The following MCHR2 variants were observed in gnomAD, a reference collection of about 807,000 sequenced individuals.
MCHR2 encodes melanin-concentrating hormone receptor 2.
In MCHR2, 15 loss-of-function variants were observed where a neutral mutation model predicts 24.8. That is an observed-to-expected ratio of 0.60 (90% CI 0.40 to 0.93). The LOEUF (loss-of-function observed/expected upper bound fraction) is 0.93. Ranked by LOEUF, MCHR2 falls within the 40% of genes least tolerant of loss-of-function variation. MCHR2 has a pLI of 0.00. For missense variants in MCHR2, 386 were observed against 408.7 expected, an observed-to-expected ratio of 0.94 and a Z score of 0.48; for synonymous variants, 151 against 147.6, an observed-to-expected ratio of 1.02 and a Z score of -0.17.
At chr6:99,930,621 C>T (rs899225906) in intron 5 of MCHR2, among the ~76,000 whole-genome samples, 2 of 152,224 alleles carry the variant, frequency 1.3e-5, no homozygotes, top group Admixed American at 6.5e-5. Context: ...TTCTTCCAAT[C>T]GATCGCCATC....
At chr6:99,982,343 T>C (rs1424635957) in intron 1 of MCHR2, among the ~76,000 whole-genome samples, 5 of 151,584 alleles carry the variant, frequency 3.3e-5, no homozygotes, top group Admixed American at 6.6e-5. Context: ...ACAATCTTAA[T>C]TGGGGCCAGG....
At chr6:99,989,259 A>C (rs780163712) in intron 1 of MCHR2, among the ~76,000 whole-genome samples, 1 of 152,130 alleles carries the variant, frequency 6.6e-6, no homozygotes, top group East Asian at 1.9e-4. Flanking sequence ...ATCAAATTCA[A>C]AAAAAATTAT....
chr6:99,919,150 A>G lies in MCHR2; in HGVS notation c.*1790T>C, dbSNP rs558213654. Among the ~76,000 whole-genome samples the G allele has an allele frequency of 1.3e-5, 2 of 152,326 alleles. No homozygotes were observed. Among genetic ancestry groups the G allele is most frequent in the Non-Finnish European group, 2.9e-5 (2 of 68,024 alleles). ...ACACAGCTTCTTATTGACGTTTTAT[A>G]GGAGCATCCAGCTGCATATGTAGGT... On this transcript the variant is annotated 3_prime_UTR_variant, in exon 6 of 6. Coordinates refer to ENST00000281806, the MANE Select transcript of MCHR2 (RefSeq NM_001040179.2).
intron 4 of MCHR2, among the ~76,000 whole-genome samples, chr6:99,939,901 A>C (rs1774740099): frequency 7.1e-6 from 1 of 141,738 alleles, no homozygotes; most frequent in Non-Finnish European, 1.5e-5. Context: ...TCAGTTTGAG[A>C]ATGCCATTTC....
At chr6:99,936,371 T>C (rs1226113822) in intron 4 of MCHR2, among the ~76,000 whole-genome samples, 1 of 152,004 alleles carries the variant, frequency 6.6e-6, no homozygotes, top group Non-Finnish European at 1.5e-5. Context: ...CGGTTTGATT[T>C]TTGTGTATGG....
intron 1 of MCHR2, among the ~76,000 whole-genome samples, chr6:99,970,075 A>G (rs958067694): frequency 6.0e-5 from 9 of 150,484 alleles, no homozygotes; most frequent in African/African-American, 2.2e-4. Flanking sequence ...GTATATACCC[A>G]GTAATGGGAT....
chr6:99,931,653 A>G (rs1428892280), intron 5 of MCHR2, among the ~76,000 whole-genome samples: 3 of 152,134 alleles, frequency 2.0e-5, no homozygotes, highest in African/African-American at 4.8e-5. Context: ...TGTGCAGGAT[A>G]TAATCTCCTG....
intron 4 of MCHR2, among the ~76,000 whole-genome samples, chr6:99,939,364 G>A (rs1774729114): frequency 6.6e-6 from 1 of 151,766 alleles, no homozygotes; most frequent in African/African-American, 2.4e-5. Flanking sequence ...TTTGTGATGT[G>A]GTTGCAATGA....
At chr6:99,990,168 GA>G in intron 1 of MCHR2, among the ~76,000 whole-genome samples, 1 of 152,306 alleles carries the variant, frequency 6.6e-6, no homozygotes, top group Middle Eastern at 3.4e-3. Context: ...AACAAGGTGG[GA>G]CCCAGGTGAT....
chr6:99,974,397 G>C (rs1208057630), intron 1 of MCHR2, among the ~76,000 whole-genome samples: 5 of 152,122 alleles, frequency 3.3e-5, no homozygotes, highest in African/African-American at 1.2e-4. Context: ...TCAAGCCTTG[G>C]CTTCAGCTCC....
At chr6:99,946,689 AAC>A (rs898015130) in intron 3 of MCHR2, among the ~76,000 whole-genome samples, 2 of 151,970 alleles carry the variant, frequency 1.3e-5, no homozygotes, top group Admixed American at 6.6e-5. Context: ...GACAATAAAT[AAC>A]ACACACACAC....
At chr6:99,983,134 G>T (rs12526049) in intron 1 of MCHR2, among the ~76,000 whole-genome samples, 141,949 of 151,814 alleles carry the variant, frequency 0.94, 66,751 homozygotes, top group East Asian at 0.99. Flanking sequence ...CTAATTTTTG[G>T]TTTTTTTTGG....
intron 1 of MCHR2, among the ~76,000 whole-genome samples, chr6:99,979,135 A>G (rs138985513): frequency 6.4e-4 from 97 of 152,274 alleles, no homozygotes; most frequent in African/African-American, 2.3e-3. Context: ...TGATAGTGGT[A>G]GAGCGTCTTG....
At chr6:99,970,795 C>T (rs1167798836) in intron 1 of MCHR2, among the ~76,000 whole-genome samples, 1 of 152,108 alleles carries the variant, frequency 6.6e-6, no homozygotes, top group African/African-American at 2.4e-5. Flanking sequence ...GCCAGTTTTC[C>T]CAGCACCATT....
chr6:99,926,468 C>G (rs1193932391), intron 5 of MCHR2, among the ~76,000 whole-genome samples: 1 of 134,238 alleles, frequency 7.4e-6, no homozygotes. Context: ...AAAAGTGTTC[C>G]TATTTCTCCA....
rs187690903 is a variant in MCHR2, at chr6:99,964,362, A to G, written c.-27-8188T>C. 3.8e-3 allele frequency among the ~76,000 whole-genome samples: 580 copies of G among 152,298 alleles called. 1 individual carries two copies. The highest frequency in any genetic ancestry group is 6.8e-3 in the Middle Eastern group (2 of 294). On this transcript the variant is annotated intron_variant, in intron 1 of 5. Coordinates refer to ENST00000281806, the MANE Select transcript of MCHR2 (RefSeq NM_001040179.2). ...TAAAATGCCTTAAACTGAATGTATT[A>G]GTCTGTTATCACAATGCTATGAAGA...
chr6:99,980,552 T>C (rs574753663), intron 1 of MCHR2, among the ~76,000 whole-genome samples: 416 of 151,554 alleles, frequency 2.7e-3, no homozygotes, highest in African/African-American at 9.1e-3. Context: ...AGCATATGTG[T>C]GTGTGTGTGT....
In MCHR2 at chr6:99,934,481, GAA is replaced by G; in HGVS notation, c.622_623del (p.Phe208ProfsTer24). 6.3e-7 allele frequency: 1 copy of G among 1,584,670 alleles called. No homozygotes were observed. Among genetic ancestry groups the G allele is most frequent in the East Asian group, 2.3e-5 (1 of 43,772 alleles). On this transcript the variant is annotated frameshift_variant, in exon 5 of 6. Coordinates refer to ENST00000281806, the MANE Select transcript of MCHR2 (RefSeq NM_001040179.2). LOFTEE classifies it high-confidence loss of function. ...TLYLTITTFF[F>X]PLPLILVCYI... ...AGCACACCAAAATCAAGGGTAGAGG[GAA>G]AAAAAAAGTTGTTATCGTCAAATAA... is the stretch of plus-strand genomic sequence containing the variant.
intron 2 of MCHR2, among the ~76,000 whole-genome samples, chr6:99,949,720 T>G (rs1582386864): frequency 6.6e-6 from 1 of 152,180 alleles, no homozygotes; most frequent in East Asian, 1.9e-4. Context: ...TTCCTTTCCC[T>G]CAGGAGCTTG....
Sources: gnomAD v4.1 joint callset for allele counts (sites outside exome capture counted in the v4.1 genomes callset) on GRCh38, gnomAD v4.1.1 for gene constraint, MANE v1.5 for transcripts, NCBI Gene and HGNC (gene_info 2026-07-23, HGNC 2026-07-21) for gene names.